Variants in ZNF804B observed in about 807,000 individuals in gnomAD.
ZNF804B encodes zinc finger 804B.
A neutral mutation model predicts 101.4 loss-of-function variants in ZNF804B; 80 were observed. The ratio of observed to expected loss-of-function variants is 0.79; its 90% CI spans 0.66 to 0.95. ZNF804B has a LOEUF of 0.95. Ranked by LOEUF, ZNF804B falls within the 40% of genes least tolerant of loss-of-function variation. The pLI is 0.00. For synonymous variants in ZNF804B, 622 were observed against 558.8 expected (o/e 1.11, Z -1.59); for missense variants, 1,673 against 1,561.9 (o/e 1.07, Z -1.20).
intron 1 of ZNF804B, among the ~76,000 whole-genome samples, chr7:88,799,676 C>G (rs546865640): frequency 6.6e-6 from 1 of 152,152 alleles, no homozygotes; most frequent in Non-Finnish European, 1.5e-5. Flanking sequence ...TCATTAGGCA[C>G]TATAAGAAAT....
At chr7:88,794,743 T>G in intron 1 of ZNF804B, 1 of 1,613,520 alleles carries the variant, frequency 6.2e-7, no homozygotes, top group Non-Finnish European at 8.5e-7. Context: ...TTCATAGTAG[T>G]CAGCAACATC....
intron 1 of ZNF804B, among the ~76,000 whole-genome samples, chr7:88,949,398 A>T (rs1188234032): frequency 6.6e-6 from 1 of 151,932 alleles, no homozygotes; most frequent in African/African-American, 2.4e-5. Context: ...ATCCCCTGGG[A>T]GACAAAGCTG....
At chr7:89,239,717 A>C (rs1789337795) in intron 2 of ZNF804B, among the ~76,000 whole-genome samples, 1 of 151,996 alleles carries the variant, frequency 6.6e-6, no homozygotes, top group Admixed American at 6.6e-5. Flanking sequence ...CTACAGATAC[A>C]TTGAGTGGGG....
chr7:89,330,009 A>G (rs568138313), intron 3 of ZNF804B, among the ~76,000 whole-genome samples: 2 of 151,820 alleles, frequency 1.3e-5, no homozygotes, highest in South Asian at 4.1e-4. Flanking sequence ...GCAGAGTATT[A>G]GAATTTTTGG....
At chr7:89,319,616 C>G (rs1790788666) in intron 2 of ZNF804B, among the ~76,000 whole-genome samples, 1 of 152,158 alleles carries the variant, frequency 6.6e-6, no homozygotes, top group Non-Finnish European at 1.5e-5. Flanking sequence ...TTCACACAAA[C>G]ACATACTCTA....
intron 1 of ZNF804B, among the ~76,000 whole-genome samples, chr7:89,034,640 C>T (rs1038796746): frequency 5.9e-5 from 9 of 152,110 alleles, no homozygotes; most frequent in Admixed American, 1.3e-4. Context: ...TTTCTTTATC[C>T]AGTCTATCAC....
chr7:89,292,253 T>C (rs1035787149), intron 2 of ZNF804B, among the ~76,000 whole-genome samples: 12 of 152,178 alleles, frequency 7.9e-5, no homozygotes, highest in African/African-American at 2.7e-4. Flanking sequence ...AAACACAGAC[T>C]ATTTTAACAC....
intron 1 of ZNF804B, among the ~76,000 whole-genome samples, chr7:88,962,022 A>G (rs1031641429): frequency 2.6e-5 from 4 of 151,326 alleles, no homozygotes; most frequent in Non-Finnish European, 4.4e-5. Context: ...TGATTAAAAT[A>G]TACTCTGCTG....
chr7:89,337,865 A>T lies in ZNF804B; in HGVS notation c.*833A>T, dbSNP rs563458959. On this transcript the variant is annotated 3_prime_UTR_variant, in exon 4 of 4. Transcript: ENST00000333190. Reference sequence around the variant, plus strand: ...TATAACAGGAACTAAAATATTGTTTATTATTCTTCTACTCAAAAATTTTAC... The same window carrying T: ...TATAACAGGAACTAAAATATTGTTTTTTATTCTTCTACTCAAAAATTTTAC... Among the ~76,000 whole-genome samples the T allele has an allele frequency of 4.2e-3, 643 of 152,230 alleles. 7 individuals carry two copies. The highest frequency in any genetic ancestry group is 0.015 in the African/African-American group (617 of 41,584).
intron 1 of ZNF804B, among the ~76,000 whole-genome samples, chr7:89,103,297 A>C (rs764032105): frequency 6.6e-6 from 1 of 150,900 alleles, no homozygotes; most frequent in South Asian, 2.1e-4. Flanking sequence ...ATTATATTGA[A>C]TCTAGAGGTT....
intron 2 of ZNF804B, among the ~76,000 whole-genome samples, chr7:89,308,148 C>T (rs1790594611): frequency 6.6e-6 from 1 of 152,118 alleles, no homozygotes; most frequent in East Asian, 1.9e-4. Flanking sequence ...TTTGAACGCT[C>T]TTGACAGAAC....
At chr7:89,072,183 C>G (rs964305954) in intron 1 of ZNF804B, among the ~76,000 whole-genome samples, 8 of 152,112 alleles carry the variant, frequency 5.3e-5, no homozygotes, top group Admixed American at 4.6e-4. Flanking sequence ...GATCACTTGG[C>G]AAAGGAGAAA....
intron 1 of ZNF804B, among the ~76,000 whole-genome samples, chr7:88,823,481 A>G (rs1170146761): frequency 6.6e-6 from 1 of 152,114 alleles, no homozygotes; most frequent in African/African-American, 2.4e-5. Flanking sequence ...ACAATTCAAG[A>G]TGGGATAAAG....
At chr7:88,764,923 T>A (rs1789957870) in intron 1 of ZNF804B, among the ~76,000 whole-genome samples, 1 of 152,166 alleles carries the variant, frequency 6.6e-6, no homozygotes, top group Non-Finnish European at 1.5e-5. Context: ...TAGTTACAAT[T>A]CTTATAATAC....
intron 1 of ZNF804B, among the ~76,000 whole-genome samples, chr7:89,061,820 GA>G (rs753926749): frequency 2.0e-5 from 3 of 151,952 alleles, no homozygotes; most frequent in African/African-American, 4.8e-5. Flanking sequence ...CCATCATCAG[GA>G]TGTCTCACAA....
intron 1 of ZNF804B, among the ~76,000 whole-genome samples, chr7:89,162,038 T>C (rs1431135983): frequency 1.3e-5 from 2 of 152,156 alleles, no homozygotes; most frequent in African/African-American, 4.8e-5. Flanking sequence ...TATGTCATCT[T>C]TGAAAAGCTA....
intron 1 of ZNF804B, among the ~76,000 whole-genome samples, chr7:89,143,212 G>A (rs754092355): frequency 1.6e-4 from 24 of 151,912 alleles, no homozygotes; most frequent in Non-Finnish European, 2.8e-4. Context: ...TTATTATAAC[G>A]ATGGTATAAT....
Position 89,290,960 on chromosome 7 carries a change from A to G in ZNF804B, c.250-36384A>G, listed in dbSNP as rs528413209. 3.9e-5 allele frequency among the ~76,000 whole-genome samples: 6 copies of G among 152,276 alleles called. 1 individual carries two copies. Among genetic ancestry groups the G allele is most frequent in the Admixed American group, 3.9e-4 (6 of 15,292 alleles). On this transcript the variant is annotated intron_variant, in intron 2 of 3. Transcript: ENST00000333190. Reference sequence around the variant, plus strand: ...AGAGAGACTCTGTTTTTTTGGAAGAACATAATGGAAGAAATCAAGAGTCTC... The same window carrying G: ...AGAGAGACTCTGTTTTTTTGGAAGAGCATAATGGAAGAAATCAAGAGTCTC...
chr7:89,215,193 CA>C (rs1225348860), intron 1 of ZNF804B, among the ~76,000 whole-genome samples: 1 of 152,034 alleles, frequency 6.6e-6, no homozygotes, highest in Non-Finnish European at 1.5e-5. Flanking sequence ...AATAATGAAG[CA>C]AGAAATGTGA....
Sources: gnomAD v4.1 joint callset for allele counts (sites outside exome capture counted in the v4.1 genomes callset) on GRCh38, gnomAD v4.1.1 for gene constraint, MANE v1.5 for transcripts, NCBI Gene and HGNC (gene_info 2026-07-23, HGNC 2026-07-21) for gene names.